Variants in SDCCAG8 observed in about 807,000 individuals in gnomAD.
SDCCAG8 encodes serologically defined colon cancer antigen 8.
SDCCAG8 carries 74 observed loss-of-function variants against 101.8 expected under a neutral mutation model. That is an observed-to-expected ratio of 0.73 (90% CI 0.60 to 0.88). The LOEUF (loss-of-function observed/expected upper bound fraction) is 0.88. Ranked by LOEUF, SDCCAG8 falls within the 40% of genes least tolerant of loss-of-function variation. The pLI is 0.00. For missense variants in SDCCAG8, 787 were observed against 822.6 expected (o/e 0.96, Z 0.53); for synonymous variants, 281 against 292.9 (o/e 0.96, Z 0.41).
In SDCCAG8 at chr1:243,499,779, T is replaced by C; in HGVS notation, c.2136T>C (p.Asp712=). ...RTQLPSMPQS[D]C ...AGTTACCCAGCATGCCACAATCTGA[T>C]TGCTGACCTGGATGGAACAGAGTGA... Residue 712 remains aspartate, a synonymous_variant, in exon 18 of 18, where the codon GAT becomes GAC. Transcript: ENST00000366541. The C allele has an allele frequency of 2.5e-6, 4 of 1,613,004 alleles. No individual in the cohort carries two copies. Among genetic ancestry groups the C allele is most frequent in the African/African-American group, 1.3e-5 (1 of 75,050 alleles).
At chr1:243,285,284 A>G (rs114974321) in intron 4 of SDCCAG8, among the ~76,000 whole-genome samples, 6 of 152,148 alleles carry the variant, frequency 3.9e-5, no homozygotes, top group African/African-American at 9.7e-5. Flanking sequence ...CCTCCTGTAA[A>G]TTCTGTGTCT....
Position 243,316,864 on chromosome 1 carries a change from T to A in SDCCAG8, c.1039T>A (p.Ser347Thr), listed in dbSNP as rs1255301286. The A allele has an allele frequency of 6.2e-7, 1 of 1,614,152 alleles. No individual in the cohort carries two copies. Among genetic ancestry groups the A allele is most frequent in the Admixed American group, 1.7e-5 (1 of 60,010 alleles). Reference protein sequence around the residue: ...YEQVKQVLQISEEANFEKTKA... With the variant: ...YEQVKQVLQITEEANFEKTKA... ...ACAGGTGAAACAAGTTTTGCAAATA[T>A]CTGAGGAAGCCAATTTTGAAAAAAC... is the stretch of plus-strand genomic sequence containing the variant. Residue 347 changes from serine (S) to threonine (T), a missense_variant, in exon 9 of 18, where the codon TCT (serine) becomes ACT (threonine). Physicochemically the swap from Ser to Thr is moderately conservative, Grantham distance 58. Transcript: ENST00000366541.
chr1:243,455,561 ACCTAG>A (rs1368630565), intron 16 of SDCCAG8, among the ~76,000 whole-genome samples: 2 of 152,208 alleles, frequency 1.3e-5, no homozygotes, highest in Non-Finnish European at 1.5e-5. Flanking sequence ...GAGCCACCGC[ACCTAG>A]CCTATTTCCA....
At chr1:243,296,899 G>T (rs1237670583) in intron 6 of SDCCAG8, among the ~76,000 whole-genome samples, 1 of 152,068 alleles carries the variant, frequency 6.6e-6, no homozygotes, top group Admixed American at 6.6e-5. Context: ...AAACCTAGTA[G>T]CAGCTTTGTA....
At chr1:243,268,590 A>G (rs2067821964) in intron 1 of SDCCAG8, among the ~76,000 whole-genome samples, 1 of 152,366 alleles carries the variant, frequency 6.6e-6, no homozygotes, top group Admixed American at 6.5e-5. Context: ...TTCATTGTCG[A>G]ACCCTGACCT....
chr1:243,430,484 G>A (rs966339572), intron 16 of SDCCAG8, among the ~76,000 whole-genome samples: 4 of 151,362 alleles, frequency 2.6e-5, no homozygotes, highest in South Asian at 2.1e-4. Flanking sequence ...TCTCTCTGTC[G>A]CCCAGGCTGG....
intron 17 of SDCCAG8, among the ~76,000 whole-genome samples, chr1:243,497,611 G>T (rs1192005911): frequency 6.6e-6 from 1 of 152,298 alleles, no homozygotes; most frequent in Non-Finnish European, 1.5e-5. Context: ...GGAGCCCACA[G>T]GCATTATGTA....
intron 12 of SDCCAG8, among the ~76,000 whole-genome samples, chr1:243,374,275 AT>A (rs1261590950): frequency 6.6e-6 from 1 of 152,090 alleles, no homozygotes; most frequent in African/African-American, 2.4e-5. Flanking sequence ...GCATTAAAAT[AT>A]TTTAAAATAG....
chr1:243,382,370 G>T (rs915888095), intron 13 of SDCCAG8, among the ~76,000 whole-genome samples: 4 of 152,024 alleles, frequency 2.6e-5, no homozygotes, highest in African/African-American at 7.3e-5. Flanking sequence ...CCCATCATCT[G>T]TTTTTGTGTG....
At chr1:243,351,451 G>A (rs767476268) in intron 12 of SDCCAG8, among the ~76,000 whole-genome samples, 5 of 152,234 alleles carry the variant, frequency 3.3e-5, no homozygotes, top group Non-Finnish European at 4.4e-5. Flanking sequence ...TACTTGCAAA[G>A]CAGCATATCG....
intron 16 of SDCCAG8, among the ~76,000 whole-genome samples, chr1:243,443,373 A>G (rs2082675050): frequency 6.6e-6 from 1 of 152,232 alleles, no homozygotes. Context: ...TGTTTATGAT[A>G]CACCAGGTGG....
Position 243,267,873 on chromosome 1 carries a change from T to C in SDCCAG8, c.68-2232T>C, listed in dbSNP as rs2067756957. The C allele has an allele frequency of 3.5e-6, 4 of 1,155,614 alleles. No individual in the cohort carries two copies. The Admixed American group carries it at 5.0e-5, about 15-fold the overall frequency. 71.6% of individuals were successfully genotyped at this position (1,155,614 alleles called of 1,614,324 possible). ...ATCATTGACTGCACTAAGTCCAGTTTGGCTTTTATGGAAAAGTTGATAAAG... is the reference window on the plus strand; with the variant it reads ...ATCATTGACTGCACTAAGTCCAGTTCGGCTTTTATGGAAAAGTTGATAAAG... On this transcript the variant is annotated intron_variant, in intron 1 of 17. Coordinates refer to ENST00000366541, the MANE Select transcript of SDCCAG8 (RefSeq NM_006642.5).
intron 9 of SDCCAG8, among the ~76,000 whole-genome samples, chr1:243,317,143 A>G (rs1449016326): frequency 6.6e-6 from 1 of 152,140 alleles, no homozygotes; most frequent in East Asian, 1.9e-4. Context: ...TGAGAGACCT[A>G]TATGCTTAAT....
chr1:243,489,779 C>A (rs548128724), intron 17 of SDCCAG8, among the ~76,000 whole-genome samples: 134 of 152,304 alleles, frequency 8.8e-4, no homozygotes, highest in Middle Eastern at 3.4e-3. Context: ...AGTAGGGACA[C>A]CGCAAACGGA....
intron 16 of SDCCAG8, among the ~76,000 whole-genome samples, chr1:243,436,752 T>C (rs1194567675): frequency 6.6e-6 from 1 of 152,226 alleles, no homozygotes; most frequent in Admixed American, 6.5e-5. Flanking sequence ...ATTTTTATAA[T>C]GTTTATTATT....
rs557480556 is a variant in SDCCAG8, at chr1:243,309,651, G to A, written c.929+1474G>A. Among the ~76,000 whole-genome samples, 8 of 152,114 alleles carry A rather than the reference G, an allele frequency of 5.3e-5. No homozygotes were observed. The South Asian group carries it at 8.3e-4, about 16-fold the overall frequency. ...TCCTGAGTAACTGCGGACATGTGCC[G>A]CCACACCCAGCTAATTAAAAAAATT... On this transcript the variant is annotated intron_variant, in intron 8 of 17. Coordinates refer to ENST00000366541, the MANE Select transcript of SDCCAG8 (RefSeq NM_006642.5).
At chr1:243,333,185 G>A (rs760271826) in intron 10 of SDCCAG8, among the ~76,000 whole-genome samples, 1 of 152,122 alleles carries the variant, frequency 6.6e-6, no homozygotes. Flanking sequence ...CATGGACCTC[G>A]TCTCCTTTCA....
intron 4 of SDCCAG8, among the ~76,000 whole-genome samples, chr1:243,283,190 T>C (rs1270962786): frequency 1.3e-5 from 2 of 152,066 alleles, no homozygotes; most frequent in African/African-American, 4.8e-5. Flanking sequence ...CTTTGGCTTA[T>C]TTTAAGATTT....
intron 17 of SDCCAG8, among the ~76,000 whole-genome samples, chr1:243,493,638 C>T (rs990402609): frequency 5.9e-5 from 9 of 151,868 alleles, no homozygotes; most frequent in African/African-American, 1.5e-4. Flanking sequence ...AAAACAGAGT[C>T]GGAAACTGAC....
Sources: allele counts gnomAD v4.1 joint callset (sites outside exome capture counted in the v4.1 genomes callset), GRCh38; gene constraint gnomAD v4.1.1; transcripts MANE v1.5; gene names NCBI Gene and HGNC (gene_info 2026-07-23, HGNC 2026-07-21).